ARIH1: variants seen among roughly 807,000 people sequenced by gnomAD.
ARIH1 encodes ariadne RBR E3 ubiquitin protein ligase 1.
In ARIH1, 8 loss-of-function variants were observed where a neutral mutation model predicts 85.0. The observed-to-expected ratio is 0.09, with a 90% CI of 0.06 to 0.17. The LOEUF (loss-of-function observed/expected upper bound fraction) is 0.17, where lower values mean the gene tolerates loss of function less well. Among genes scored for constraint, ARIH1 ranks in the 10% least tolerant of loss-of-function variants. The probability of loss-of-function intolerance (pLI) is 1.00; values close to 1 mark genes in which losing one functional copy is unlikely to be tolerated. For missense variants in ARIH1, 311 were observed against 718.1 expected, an observed-to-expected ratio of 0.43 and a Z score of 6.48; for synonymous variants, 238 against 253.6, an observed-to-expected ratio of 0.94 and a Z score of 0.59.
chr15:72,511,169 C>T (rs928112374), intron 1 of ARIH1, among the ~76,000 whole-genome samples: 3 of 152,188 alleles, frequency 2.0e-5, no homozygotes, highest in Admixed American at 6.5e-5. Flanking sequence ...TGCAGTTTTC[C>T]GTGTACACGT....
intron 2 of ARIH1, among the ~76,000 whole-genome samples, chr15:72,528,131 TAAC>T (rs1361278855): frequency 2.0e-5 from 3 of 152,324 alleles, no homozygotes; most frequent in East Asian, 1.9e-4. Context: ...TAAATTATAA[TAAC>T]ATTTAAAAAC....
chr15:72,530,734 T>C (rs1234435307), intron 2 of ARIH1, among the ~76,000 whole-genome samples: 1 of 152,186 alleles, frequency 6.6e-6, no homozygotes, highest in Non-Finnish European at 1.5e-5. Context: ...TTTTTATAAC[T>C]AAACAAAATA....
At chr15:72,489,821 G>A (rs186635457) in intron 1 of ARIH1, among the ~76,000 whole-genome samples, 8 of 152,206 alleles carry the variant, frequency 5.3e-5, no homozygotes, top group African/African-American at 1.4e-4. Context: ...GTCAACCCTG[G>A]TATGGTTCAC....
intron 1 of ARIH1, among the ~76,000 whole-genome samples, chr15:72,506,429 G>A (rs1011427327): frequency 6.7e-6 from 1 of 149,784 alleles, no homozygotes; most frequent in African/African-American, 2.4e-5. Context: ...AAGGAGATTG[G>A]ATATTTTCGT....
Position 72,506,980 on chromosome 15 carries a change from TTATGTATGTATGTATG to T in ARIH1, c.376-11059_376-11044del, listed in dbSNP as rs72006883. On this transcript the variant is annotated intron_variant, in intron 1 of 13. Transcript: ENST00000379887. ...TTCAGCAATTTGGTTGTGATTATTTTTATGTATGTATGTATGTATGTATGTATGTATGTATGTATGT... is the reference window on the plus strand; with the variant it reads ...TTCAGCAATTTGGTTGTGATTATTTTTATGTATGTATGTATGTATGTATGT... 2.0e-3 allele frequency among the ~76,000 whole-genome samples: 304 copies of T among 150,102 alleles called. 1 individual carries two copies. The highest frequency in any genetic ancestry group is 7.3e-3 in the Admixed American group (110 of 14,978).
chr15:72,508,695 CTT>C (rs767444028), intron 1 of ARIH1, among the ~76,000 whole-genome samples: 13 of 140,770 alleles, frequency 9.2e-5, no homozygotes, highest in African/African-American at 1.0e-4. Flanking sequence ...TTCTTTCTTT[CTT>C]TTTTTTTTTT....
intron 1 of ARIH1, among the ~76,000 whole-genome samples, chr15:72,493,660 A>C (rs1595851571): frequency 6.6e-6 from 1 of 152,316 alleles, no homozygotes; most frequent in East Asian, 1.9e-4. Flanking sequence ...GTTTTCTACT[A>C]CCTTTTTAAA....
chr15:72,541,543 A>G (rs995330169), intron 2 of ARIH1, among the ~76,000 whole-genome samples: 1 of 152,212 alleles, frequency 6.6e-6, no homozygotes, highest in Non-Finnish European at 1.5e-5. Flanking sequence ...AAAATTAATG[A>G]TTGTACTTAA....
In ARIH1 at chr15:72,474,926, A is replaced by C; in HGVS notation, c.287A>C (p.Glu96Ala). The C allele has an allele frequency of 6.6e-7, 1 of 1,524,000 alleles. No homozygotes were observed. Among genetic ancestry groups the C allele is most frequent in the Non-Finnish European group, 8.8e-7 (1 of 1,134,064 alleles). 94.4% of individuals were successfully genotyped at this position (1,524,000 alleles called of 1,614,324 possible). Reference sequence around the variant, plus strand: ...GGTGGCGGGCCGGGGCATGAGCAGGAGGAGGATTACCGCTACGAGGTGCTC... The same window carrying C: ...GGTGGCGGGCCGGGGCATGAGCAGGCGGAGGATTACCGCTACGAGGTGCTC... ...GGGGGPGHEQ[E>A]EDYRYEVLTA... is the part of the protein sequence containing the mutation. Residue 96 changes from glutamate to alanine, a missense_variant, in exon 1 of 14, where the codon GAG becomes GCG. Coordinates refer to ENST00000379887, the MANE Select transcript of ARIH1 (RefSeq NM_005744.5).
intron 2 of ARIH1, among the ~76,000 whole-genome samples, chr15:72,543,975 C>T (rs2064118586): frequency 1.3e-5 from 2 of 151,984 alleles, no homozygotes; most frequent in South Asian, 2.1e-4. Context: ...TCTTAACCAC[C>T]TCAACCCACC....
intron 1 of ARIH1, 71 bp downstream of exon 1, chr15:72,475,085 C>A: frequency 6.5e-7 from 1 of 1,535,880 alleles, no homozygotes. Context: ...CGCGCGGTCC[C>A]GAGGGACAGG....
intron 7 of ARIH1, among the ~76,000 whole-genome samples, chr15:72,563,902 G>A (rs2064207837): frequency 6.6e-6 from 1 of 152,092 alleles, no homozygotes; most frequent in Admixed American, 6.5e-5. Context: ...TTAACTAAGA[G>A]TTTTCCTGTG....
rs533199682 is a variant in ARIH1, at chr15:72,570,785, G to A, written c.1157+478G>A. 9.9e-5 allele frequency among the ~76,000 whole-genome samples: 15 copies of A among 152,242 alleles called. No individual in the cohort carries two copies. The South Asian group carries it at 2.3e-3, about 23-fold the overall frequency. The stretch of plus-strand genomic sequence containing the variant: ...TTTGTCATATTTTTTCTTTAAATAA[G>A]CATATATATGTTGCTTTCCTTGTTT... On this transcript the variant is annotated intron_variant, in intron 10 of 13. Coordinates refer to ENST00000379887, the MANE Select transcript of ARIH1 (RefSeq NM_005744.5).
chr15:72,575,089 A>G (rs1379158080), intron 11 of ARIH1, among the ~76,000 whole-genome samples: 1 of 151,736 alleles, frequency 6.6e-6, no homozygotes, highest in Non-Finnish European at 1.5e-5. Flanking sequence ...CAGAGACCCT[A>G]TCTCAGAACA....
intron 11 of ARIH1, among the ~76,000 whole-genome samples, chr15:72,579,351 G>C (rs2064286147): frequency 6.6e-6 from 1 of 151,752 alleles, no homozygotes; most frequent in Non-Finnish European, 1.5e-5. Context: ...CAAGAAACTT[G>C]ATCAAATTCA....
chr15:72,560,503 A>T (rs1345601796), intron 5 of ARIH1, among the ~76,000 whole-genome samples: 1 of 152,238 alleles, frequency 6.6e-6, no homozygotes, highest in Non-Finnish European at 1.5e-5. Flanking sequence ...CAAAGAATTT[A>T]CCTTCAATTC....
At chr15:72,475,170 G>T in intron 1 of ARIH1, 156 bp downstream of exon 1, 1 of 1,368,750 alleles carries the variant, frequency 7.3e-7, no homozygotes, top group Non-Finnish European at 9.5e-7. Context: ...GGGATAGAGG[G>T]TGTCGAAAGC....
In ARIH1 at chr15:72,585,441, T is replaced by C. The variant is rs1318760376; in HGVS notation, c.*2149T>C. 1 of 152,166 alleles carries C rather than the reference T, an allele frequency of 6.6e-6. No individual in the cohort carries two copies. The highest frequency in any genetic ancestry group is 6.6e-5 in the Admixed American group (1 of 15,256). The allele number at this position is 152,166 out of a possible 1,614,324, so 9.4% of individuals were successfully genotyped here. On this transcript the variant is annotated 3_prime_UTR_variant, in exon 14 of 14. Coordinates refer to ENST00000379887, the MANE Select transcript of ARIH1 (RefSeq NM_005744.5). ...TTTAAAGAAAGCCTGAATAAGTTCC[T>C]TTCCCTGGTAACTTTGAAAAGCAGT...
rs1170030564 is a variant in ARIH1, at chr15:72,597,079, T to A, written c.*13787T>A. 1 of 152,076 alleles carries A rather than the reference T, an allele frequency of 6.6e-6. No homozygotes were observed. The highest frequency in any genetic ancestry group is 1.9e-4 in the East Asian group (1 of 5,198). The allele number at this position is 152,076 out of a possible 1,614,324, so 9.4% of individuals were successfully genotyped here. A position where few individuals can be genotyped will look rare whatever the true frequency, so the allele number is the denominator to read the frequency against. On this transcript the variant is annotated 3_prime_UTR_variant, in exon 14 of 14. Coordinates refer to ENST00000379887, the MANE Select transcript of ARIH1 (RefSeq NM_005744.5). Reference sequence around the variant, plus strand: ...CTTATTTTCTTGCTTTTGCACGTCTTGTATATTTGATTGGATGATGGACGT... The same window carrying A: ...CTTATTTTCTTGCTTTTGCACGTCTAGTATATTTGATTGGATGATGGACGT...
Sources: gnomAD v4.1 joint callset for allele counts (sites outside exome capture counted in the v4.1 genomes callset) on GRCh38, gnomAD v4.1.1 for gene constraint, MANE v1.5 for transcripts, NCBI Gene and HGNC (gene_info 2026-07-23, HGNC 2026-07-21) for gene names.